Variants in EPHA3 observed in about 807,000 individuals in gnomAD.
EPHA3 encodes the protein EPH receptor A3.
A neutral mutation model predicts 107.1 loss-of-function variants in EPHA3; 42 were observed. The observed-to-expected ratio is 0.39, with a 90% CI of 0.31 to 0.51. The LOEUF (loss-of-function observed/expected upper bound fraction) is 0.51, where lower values mean the gene tolerates loss of function less well. Among genes scored for constraint, EPHA3 ranks in the 20% least tolerant of loss-of-function variants. The pLI is 0.78. For missense variants in EPHA3, 1,183 were observed against 1,211.2 expected (o/e 0.98, Z 0.35); for synonymous variants, 461 against 424.8 (o/e 1.09, Z -1.05).
At chr3:89,417,496 C>A (rs1199690797) in intron 10 of EPHA3, among the ~76,000 whole-genome samples, 5 of 151,416 alleles carry the variant, frequency 3.3e-5, no homozygotes, top group African/African-American at 7.3e-5. Flanking sequence ...TAAATGGGAG[C>A]GCTCTGATAA....
At chr3:89,197,800 A>T (rs1705872515) in intron 2 of EPHA3, among the ~76,000 whole-genome samples, 1 of 151,884 alleles carries the variant, frequency 6.6e-6, no homozygotes, top group Non-Finnish European at 1.5e-5. Flanking sequence ...ACATGGTGAA[A>T]CCCTCTTTCT....
chr3:89,412,699 A>G (rs1709178172), intron 9 of EPHA3, among the ~76,000 whole-genome samples: 1 of 151,776 alleles, frequency 6.6e-6, no homozygotes, highest in African/African-American at 2.4e-5. Context: ...ATCTCACCTT[A>G]TAATTGTATT....
At chr3:89,108,188 C>A (rs1328345036) in intron 1 of EPHA3, among the ~76,000 whole-genome samples, 11 of 152,088 alleles carry the variant, frequency 7.2e-5, no homozygotes, top group African/African-American at 2.7e-4. Context: ...TAATTATGAC[C>A]ATGTGGTACT....
At chr3:89,143,527 G>A (rs988155891) in intron 2 of EPHA3, among the ~76,000 whole-genome samples, 1 of 151,528 alleles carries the variant, frequency 6.6e-6, no homozygotes, top group Non-Finnish European at 1.5e-5. Flanking sequence ...ATGGTCTATA[G>A]TGGTTGGAAA....
chr3:89,184,223 G>T (rs1207991568), intron 2 of EPHA3, among the ~76,000 whole-genome samples: 2 of 151,956 alleles, frequency 1.3e-5, no homozygotes, highest in Non-Finnish European at 2.9e-5. Context: ...TTTTCCCTTG[G>T]CTTCATGAAG....
intron 3 of EPHA3, among the ~76,000 whole-genome samples, chr3:89,220,030 A>T (rs1452365739): frequency 6.6e-6 from 1 of 152,114 alleles, no homozygotes; most frequent in East Asian, 1.9e-4. Context: ...TGGTTCTCAC[A>T]GCTGAAGAAA....
At chr3:89,447,596 A>G (rs1709900891) in intron 13 of EPHA3, among the ~76,000 whole-genome samples, 1 of 152,150 alleles carries the variant, frequency 6.6e-6, no homozygotes, top group Non-Finnish European at 1.5e-5. Context: ...CTCTTCCATT[A>G]TATTTCTTCA....
At chr3:89,148,585 G>T (rs1704620701) in intron 2 of EPHA3, among the ~76,000 whole-genome samples, 1 of 151,868 alleles carries the variant, frequency 6.6e-6, no homozygotes, top group Non-Finnish European at 1.5e-5. Flanking sequence ...AGTTATCAGG[G>T]AAAATTGTGC....
At chr3:89,275,291 A>G (rs544416905) in intron 3 of EPHA3, among the ~76,000 whole-genome samples, 2 of 152,124 alleles carry the variant, frequency 1.3e-5, no homozygotes, top group East Asian at 3.9e-4. Context: ...TCCTAAAATC[A>G]AGAAGCTATG....
intron 11 of EPHA3, among the ~76,000 whole-genome samples, chr3:89,425,949 C>G (rs1262777050): frequency 1.3e-5 from 2 of 151,620 alleles, no homozygotes; most frequent in Non-Finnish European, 3.0e-5. Context: ...CTTCCCTTTA[C>G]TTTACAATTG....
At chr3:89,441,317 G>A (rs2107546334) in intron 13 of EPHA3, among the ~76,000 whole-genome samples, 1 of 152,276 alleles carries the variant, frequency 6.6e-6, no homozygotes, top group East Asian at 1.9e-4. Context: ...ATTCTGTTAA[G>A]TTTGAATTGG....
chr3:89,380,125 C>A (rs112012741), intron 5 of EPHA3, among the ~76,000 whole-genome samples: 1 of 151,996 alleles, frequency 6.6e-6, no homozygotes, highest in African/African-American at 2.4e-5. Context: ...GCAATGCATA[C>A]GTCTATGTTG....
intron 2 of EPHA3, among the ~76,000 whole-genome samples, chr3:89,173,897 A>C (rs1203738651): frequency 1.3e-5 from 2 of 152,042 alleles, no homozygotes; most frequent in Non-Finnish European, 2.9e-5. Context: ...ATGTTCTATA[A>C]AAAATAAAGT....
rs180824487 is a variant in EPHA3 at position 89,258,191 on chromosome 3, A to G, written c.814+47671A>G. Among the ~76,000 whole-genome samples, 731 of 152,322 alleles carry G rather than the reference A, an allele frequency of 4.8e-3. 1 individual carries two copies. Among genetic ancestry groups the G allele is most frequent in the South Asian group, 0.011 (55 of 4,828 alleles). On this transcript the variant is annotated intron_variant, in intron 3 of 16. Transcript: ENST00000336596. ...ATCCATCCAGATTGTAGGACATTCAATAAGTAACTAGCTTATGTCCTGAAA... is the reference window on the plus strand; with the variant it reads ...ATCCATCCAGATTGTAGGACATTCAGTAAGTAACTAGCTTATGTCCTGAAA...
rs1704088844 is a variant in EPHA3 at position 89,211,693 on chromosome 3, C to T, written c.814+1173C>T. Among the ~76,000 whole-genome samples the T allele has an allele frequency of 2.0e-5, 3 of 151,344 alleles. 1 individual carries two copies. The East Asian group carries it at 5.8e-4, about 29-fold the overall frequency. On this transcript the variant is annotated intron_variant, in intron 3 of 16. Transcript: ENST00000336596. ...CCTCCTCCTCCTCCTCTCTCTCCTC[C>T]CCCTCCCCCTCTTCCTCTTCCTCTT... is the stretch of plus-strand genomic sequence containing the variant.
At chr3:89,452,117 C>T (rs1710005595) in intron 15 of EPHA3, among the ~76,000 whole-genome samples, 1 of 152,004 alleles carries the variant, frequency 6.6e-6, no homozygotes. Flanking sequence ...TCAGTGGATA[C>T]CTATGTTGAT....
intron 3 of EPHA3, among the ~76,000 whole-genome samples, chr3:89,243,265 T>C (rs1704951098): frequency 1.3e-5 from 2 of 152,204 alleles, no homozygotes; most frequent in African/African-American, 2.4e-5. Flanking sequence ...TCTGGGTATA[T>C]ACGCAGTAAT....
intron 3 of EPHA3, among the ~76,000 whole-genome samples, chr3:89,211,784 T>C (rs867761343): frequency 0.034 from 4,664 of 136,388 alleles, 238 homozygotes; most frequent in African/African-American, 0.085. Flanking sequence ...TTCTTCTTCT[T>C]CTTCTTCTTC....
chr3:89,450,869 G>A (rs1247267669), intron 15 of EPHA3, among the ~76,000 whole-genome samples: 1 of 152,124 alleles, frequency 6.6e-6, no homozygotes, highest in South Asian at 2.1e-4. Context: ...TCATGCCACT[G>A]CACTCCAGCC....
Sources: allele counts gnomAD v4.1 joint callset (sites outside exome capture counted in the v4.1 genomes callset), GRCh38; gene constraint gnomAD v4.1.1; transcripts MANE v1.5; gene names NCBI Gene and HGNC (gene_info 2026-07-23, HGNC 2026-07-21).